The following ARID5A variants were observed in gnomAD, a reference collection of about 807,000 sequenced individuals.
ARID5A encodes the protein AT-rich interaction domain 5A, also known as AT-rich interactive domain-containing protein 5A.
A neutral mutation model predicts 30.5 loss-of-function variants in ARID5A; 14 were observed. The observed-to-expected ratio is 0.46, with a 90% CI of 0.30 to 0.72. ARID5A has a LOEUF of 0.72. Ranked by LOEUF, ARID5A falls within the 30% of genes least tolerant of loss-of-function variation. ARID5A has a pLI of 0.07. For synonymous variants in ARID5A, 338 were observed against 340.4 expected, an observed-to-expected ratio of 0.99 and a Z score of 0.08; for missense variants, 669 against 786.2, an observed-to-expected ratio of 0.85 and a Z score of 1.78.
In ARID5A at chr2:96,550,311, G is replaced by A; in HGVS notation, c.410+26G>A. On this transcript the variant is annotated intron_variant, in intron 5 of 6. Coordinates refer to ENST00000357485, the MANE Select transcript of ARID5A (RefSeq NM_212481.3). The surrounding 1 kb of genome is among the most constrained non-coding windows in gnomAD (Gnocchi z 6.6). ...GTACGGCGGGGCGGGCCCGGGTGCTGGACGCCGCCTACCCTGCGGGGCTTT... is the reference window on the plus strand; with the variant it reads ...GTACGGCGGGGCGGGCCCGGGTGCTAGACGCCGCCTACCCTGCGGGGCTTT... 7.0e-7 allele frequency: 1 copy of A among 1,430,348 alleles called. No homozygotes were observed. Among genetic ancestry groups the A allele is most frequent in the Non-Finnish European group, 9.1e-7 (1 of 1,100,578 alleles). 88.6% of individuals were successfully genotyped at this position (1,430,348 alleles called of 1,614,324 possible).
At position 96,536,760 on chromosome 2, in the gene ARID5A, G is replaced by A. The variant is rs1215209088; in HGVS notation, c.-67G>A. The A allele has an allele frequency of 2.5e-6, 3 of 1,210,866 alleles. No individual in the cohort carries two copies. Among genetic ancestry groups the A allele is most frequent in the Non-Finnish European group, 3.1e-6 (3 of 974,500 alleles). The allele number at this position is 1,210,866 out of a possible 1,614,324, so 75.0% of individuals were successfully genotyped here. Reference sequence around the variant, plus strand: ...CCGCGCCGCGAGCCAGTATCTCAGAGAGCGCGGGGTCCGGACAGCCGCGCG... The same window carrying A: ...CCGCGCCGCGAGCCAGTATCTCAGAAAGCGCGGGGTCCGGACAGCCGCGCG... On this transcript the variant is annotated 5_prime_UTR_variant, in exon 1 of 7. Coordinates refer to ENST00000357485, the MANE Select transcript of ARID5A (RefSeq NM_212481.3).
chr2:96,549,952 T>G lies in ARID5A; in HGVS notation c.312+147T>G, dbSNP rs892290324. ...CTCCCTGCCTTCCCCGCTGGTACTC[T>G]GCTGCTCAAAGCAGCTTTTCAGCCT... On this transcript the variant is annotated intron_variant, in intron 4 of 6. Transcript: ENST00000357485. This position sits in a 1 kb window ranked among gnomAD's most constrained non-coding sequence, Gnocchi z 6.1. 2.7e-5 allele frequency: 42 copies of G among 1,532,158 alleles called. No individual in the cohort carries two copies. Among genetic ancestry groups the G allele is most frequent in the Non-Finnish European group, 2.9e-5 (33 of 1,140,134 alleles). The allele number at this position is 1,532,158 out of a possible 1,614,324, so 94.9% of individuals were successfully genotyped here. A position where few individuals can be genotyped will look rare whatever the true frequency, so the allele number is the denominator to read the frequency against.
rs1011753383 is a variant in ARID5A, at chr2:96,539,128, T to C, written c.4+2298T>C. On this transcript the variant is annotated intron_variant, in intron 1 of 6. Coordinates refer to ENST00000357485, the MANE Select transcript of ARID5A (RefSeq NM_212481.3). This position sits in a 1 kb window ranked among gnomAD's most constrained non-coding sequence, Gnocchi z 4.7. ...TCTCACTGAGCCTGGCTGTGGTTTGTGGGGGAAGCCTCCTTTCTCTTCTCA... is the reference window on the plus strand; with the variant it reads ...TCTCACTGAGCCTGGCTGTGGTTTGCGGGGGAAGCCTCCTTTCTCTTCTCA... 6.6e-6 allele frequency among the ~76,000 whole-genome samples: 1 copy of C among 152,188 alleles called. No homozygotes were observed. The highest frequency in any genetic ancestry group is 1.5e-5 in the Non-Finnish European group (1 of 68,030).
chr2:96,548,222 T>C (rs2065963028), intron 2 of ARID5A, among the ~76,000 whole-genome samples: 1 of 152,166 alleles, frequency 6.6e-6, no homozygotes, highest in African/African-American at 2.4e-5. Context: ...ACAGAAGCTA[T>C]TTACAACTAA....
intron 1 of ARID5A, chr2:96,538,138 A>ATCTGCT: frequency 1.0e-6 from 1 of 985,412 alleles, no homozygotes; most frequent in Non-Finnish European, 1.2e-6. Flanking sequence ...GCCTCCGATA[A>ATCTGCT]TCTGCTTCTA....
In ARID5A at chr2:96,551,216, G is replaced by T. The variant is rs572910534; in HGVS notation, c.688G>T (p.Val230Leu). ...GLASGSSVSF[V>L]GASGCPEAYK... ...GGCCTCTGGGTCTTCTGTGTCCTTT[G>T]TGGGTGCCAGCGGCTGTCCTGAGGC... The change falls in exon 7 of 7, where the codon GTG becomes TTG. Residue 230 changes from valine (V) to leucine (L), a missense_variant. Physicochemically the swap from Val to Leu is conservative, Grantham distance 32. This residue lies in a region of ARID5A where 548 missense variants were observed against 577.4 expected (regional missense o/e 0.95). Transcript: ENST00000357485. 83 of 1,614,002 alleles carry T rather than the reference G, an allele frequency of 5.1e-5. No homozygotes were observed. In the East Asian group the frequency reaches 1.5e-3, roughly 29 times the overall value.
In ARID5A at chr2:96,549,864, C is replaced by T. The variant is rs1242306754; in HGVS notation, c.312+59C>T. On this transcript the variant is annotated intron_variant, in intron 4 of 6. Transcript: ENST00000357485. This position sits in a 1 kb window ranked among gnomAD's most constrained non-coding sequence, Gnocchi z 6.1. ...GCATATCCCTGGGGTGAGCCTGCAG[C>T]GCTGTCCTTGCCTCTGGACAGAGGA... 4 of 1,582,884 alleles carry T rather than the reference C, an allele frequency of 2.5e-6. No homozygotes were observed. Among genetic ancestry groups the T allele is most frequent in the Admixed American group, 1.7e-5 (1 of 57,884 alleles).
Position 96,537,937 on chromosome 2 carries a change from G to T in ARID5A, c.4+1107G>T. The T allele has an allele frequency of 1.0e-6, 1 of 985,530 alleles. No individual in the cohort carries two copies. Among genetic ancestry groups the T allele is most frequent in the African/African-American group, 1.7e-5 (1 of 57,342 alleles). The allele number at this position is 985,530 out of a possible 1,614,324, so 61.0% of individuals were successfully genotyped here. ...CAGGGGAGGACAACAGGTGCCTCTT[G>T]CCCCACCCGGGCTCCTCTGGTGGGA... is the stretch of plus-strand genomic sequence containing the variant. On this transcript the variant is annotated intron_variant, in intron 1 of 6. Transcript: ENST00000357485. This position sits in a 1 kb window ranked among gnomAD's most constrained non-coding sequence, Gnocchi z 4.8.
intron 6 of ARID5A, 53 bp from the exon 7 acceptor site, chr2:96,551,046 G>A (rs966966033): frequency 1.3e-6 from 2 of 1,556,898 alleles, no homozygotes. Context: ...TTGCTCCTCA[G>A]GTCAGGATGT....
chr2:96,550,836 A>C lies in ARID5A; in HGVS notation c.570+103A>C. On this transcript the variant is annotated intron_variant, in intron 6 of 6. Transcript: ENST00000357485. The surrounding 1 kb of genome is among the most constrained non-coding windows in gnomAD (Gnocchi z 6.6). ...GAGCTGTCTGCTCAGAATACACAGA[A>C]CCTGCACCCAGGGCGGGACTTGCAA... 4 of 1,423,970 alleles carry C rather than the reference A, an allele frequency of 2.8e-6. No individual in the cohort carries two copies. The South Asian group carries it at 5.9e-5, about 21-fold the overall frequency. 88.2% of individuals were successfully genotyped at this position (1,423,970 alleles called of 1,614,324 possible).
chr2:96,540,297 A>G (rs1049472492), intron 1 of ARID5A, among the ~76,000 whole-genome samples: 1 of 152,176 alleles, frequency 6.6e-6, no homozygotes, highest in African/African-American at 2.4e-5. Flanking sequence ...ATGGAGTTGG[A>G]AAGAAATCAG....
rs1004182885 is a variant in ARID5A, at chr2:96,551,635, G to A, written c.1107G>A (p.Gly369=). The change falls in exon 7 of 7, where the codon GGG becomes GGA. Residue 369 remains glycine, a synonymous_variant. Transcript: ENST00000357485. ...PRDFFSRLKD[G]VLLGPPGKEG... is the part of the protein sequence containing the mutation. ...ACTTCTTCTCTAGACTTAAAGATGGGGTGCTATTGGGGCCTCCTGGCAAAG... is the reference window on the plus strand; with the variant it reads ...ACTTCTTCTCTAGACTTAAAGATGGAGTGCTATTGGGGCCTCCTGGCAAAG... 6.5e-7 allele frequency: 1 copy of A among 1,531,200 alleles called. No homozygotes were observed. The highest frequency in any genetic ancestry group is 1.4e-5 in the African/African-American group (1 of 72,058). The allele number at this position is 1,531,200 out of a possible 1,614,324, so 94.9% of individuals were successfully genotyped here.
chr2:96,546,125 G>C lies in ARID5A; in HGVS notation c.5-1277G>C, dbSNP rs148109394. Among the ~76,000 whole-genome samples the C allele has an allele frequency of 8.5e-4, 129 of 152,298 alleles. 1 individual carries two copies. Among genetic ancestry groups the C allele is most frequent in the African/African-American group, 3.0e-3 (126 of 41,560 alleles). On this transcript the variant is annotated intron_variant, in intron 1 of 6. Coordinates refer to ENST00000357485, the MANE Select transcript of ARID5A (RefSeq NM_212481.3). ...CAAAGCAGGACCACTCAGTGGCCAA[G>C]GATTCTACCCTGTGCCTCTGAGTAC...
In ARID5A at chr2:96,551,142, C is replaced by T. The variant is rs1374877111; in HGVS notation, c.614C>T (p.Pro205Leu). The T allele has an allele frequency of 2.5e-6, 4 of 1,613,648 alleles. 1 individual carries two copies. In the South Asian group the frequency reaches 3.3e-5, roughly 13 times the overall value. ...KTKADAADPA[P>L]LPSQEPPRNS... ...AAAGCAGATGCTGCTGACCCAGCACCACTTCCCAGCCAGGAGCCCCCCAGG... is the reference window on the plus strand; with the variant it reads ...AAAGCAGATGCTGCTGACCCAGCACTACTTCCCAGCCAGGAGCCCCCCAGG... The change falls in exon 7 of 7, where the codon CCA becomes CTA. Residue 205 changes from proline to leucine, a missense_variant. Pro to Leu is a moderately conservative substitution (Grantham distance 98, BLOSUM62 -3). Coordinates refer to ENST00000357485, the MANE Select transcript of ARID5A (RefSeq NM_212481.3).
At chr2:96,546,258 T>C (rs948087052) in intron 1 of ARID5A, among the ~76,000 whole-genome samples, 26 of 152,236 alleles carry the variant, frequency 1.7e-4, no homozygotes, top group African/African-American at 6.3e-4. Context: ...AAGGATGTCC[T>C]GGGAGGGAGT....
chr2:96,539,775 T>A lies in ARID5A; in HGVS notation c.4+2945T>A, dbSNP rs1012623406. 5.7e-5 allele frequency among the ~76,000 whole-genome samples: 8 copies of A among 139,822 alleles called. No homozygotes were observed. The highest frequency in any genetic ancestry group is 5.0e-4 in the Admixed American group (7 of 14,002). The allele number at this position is 139,822 out of a possible 152,430, so 91.7% of individuals were successfully genotyped here. ...TCTCTGACCAGCCCCCTCCCATCCC[T>A]GAGCCTGGATGCCTTAGCAGTCAAC... On this transcript the variant is annotated intron_variant, in intron 1 of 6. Coordinates refer to ENST00000357485, the MANE Select transcript of ARID5A (RefSeq NM_212481.3). The surrounding 1 kb of genome is among the most constrained non-coding windows in gnomAD (Gnocchi z 4.7).
chr2:96,540,881 G>A (rs1167885580), intron 1 of ARID5A, among the ~76,000 whole-genome samples: 1 of 152,006 alleles, frequency 6.6e-6, no homozygotes, highest in Non-Finnish European at 1.5e-5. Context: ...GAGTAGCTGG[G>A]ATTATTGGCG....
At chr2:96,541,282 C>T (rs1052815708) in intron 1 of ARID5A, among the ~76,000 whole-genome samples, 2 of 150,466 alleles carry the variant, frequency 1.3e-5, no homozygotes, top group African/African-American at 4.9e-5. Flanking sequence ...ATGATCTGCC[C>T]GCCTCGGCCT....
In ARID5A at chr2:96,550,462, A is replaced by G; in HGVS notation, c.411-112A>G. 6.9e-7 allele frequency: 1 copy of G among 1,450,530 alleles called. No individual in the cohort carries two copies. The highest frequency in any genetic ancestry group is 9.1e-7 in the Non-Finnish European group (1 of 1,100,486). The allele number at this position is 1,450,530 out of a possible 1,614,324, so 89.9% of individuals were successfully genotyped here. A position where few individuals can be genotyped will look rare whatever the true frequency, so the allele number is the denominator to read the frequency against. ...CTGAGGGAGCTGAAGCTTTGGGACC[A>G]GGAGAGGGCCTTCCTCGGCGCCGGC... is the stretch of plus-strand genomic sequence containing the variant. On this transcript the variant is annotated intron_variant, in intron 5 of 6. Transcript: ENST00000357485. The surrounding 1 kb of genome is among the most constrained non-coding windows in gnomAD (Gnocchi z 6.6).
Sources: gnomAD v4.1 joint callset for allele counts (sites outside exome capture counted in the v4.1 genomes callset) on GRCh38, gnomAD v4.1.1 for gene constraint, gnomAD v4.1.1 regional missense constraint, Gnocchi (gnomAD v3.1) non-coding constraint, MANE v1.5 for transcripts, NCBI Gene and HGNC (gene_info 2026-07-23, HGNC 2026-07-21) for gene names.